COL25A1: variants seen among roughly 807,000 people sequenced by gnomAD.
COL25A1 encodes the protein collagen type XXV alpha 1 chain.
Under a neutral mutation model 128.4 loss-of-function variants are expected in COL25A1, and 103 were observed. That is an observed-to-expected ratio of 0.80 (90% CI 0.68 to 0.94). The LOEUF is 0.94. Ranked by LOEUF, COL25A1 falls within the 40% of genes least tolerant of loss-of-function variation. COL25A1 has a pLI of 0.00. For missense variants in COL25A1, 745 were observed against 840.0 expected, an observed-to-expected ratio of 0.89 and a Z score of 1.40; for synonymous variants, 279 against 277.2, an observed-to-expected ratio of 1.01 and a Z score of -0.06.
intron 3 of COL25A1, among the ~76,000 whole-genome samples, chr4:109,058,839 T>C (rs535285081): frequency 3.3e-5 from 5 of 152,206 alleles, no homozygotes; most frequent in Admixed American, 6.5e-5. Context: ...CACCCAGTAG[T>C]AAAAATACTC....
At chr4:109,091,470 T>C (rs1764900687) in intron 3 of COL25A1, among the ~76,000 whole-genome samples, 1 of 152,202 alleles carries the variant, frequency 6.6e-6, no homozygotes. Context: ...TTCTGAGATG[T>C]CCTATGTTGT....
At position 108,884,166 on chromosome 4, in the gene COL25A1, T is replaced by C. The variant is rs925222659; in HGVS notation, c.1020+12A>G. 3 of 1,613,416 alleles carry C rather than the reference T, an allele frequency of 1.9e-6. No homozygotes were observed. Among genetic ancestry groups the C allele is most frequent in the Non-Finnish European group, 2.5e-6 (3 of 1,179,578 alleles). On this transcript the variant is annotated intron_variant, in intron 19 of 37. Coordinates refer to ENST00000399132, the MANE Select transcript of COL25A1 (RefSeq NM_198721.4). ...AGTTCTGTGAAGCCGAGACTGTCCG[T>C]GCAGTATTTACCTTTATCCCCGGAA... is the stretch of plus-strand genomic sequence containing the variant.
At chr4:109,278,142 A>C (rs1047864479) in intron 3 of COL25A1, among the ~76,000 whole-genome samples, 8 of 152,140 alleles carry the variant, frequency 5.3e-5, no homozygotes, top group Admixed American at 6.6e-5. Context: ...CTCAAAAAAA[A>C]AAAAGAAGTG....
intron 13 of COL25A1, among the ~76,000 whole-genome samples, chr4:108,902,506 T>C (rs142715816): frequency 2.6e-5 from 4 of 152,120 alleles, no homozygotes; most frequent in African/African-American, 9.6e-5. Context: ...TCTATCTTAA[T>C]TATTATTTGG....
chr4:109,295,058 A>T (rs1724841025), intron 3 of COL25A1, among the ~76,000 whole-genome samples: 1 of 152,144 alleles, frequency 6.6e-6, no homozygotes, highest in Admixed American at 6.6e-5. Flanking sequence ...TCTTATGTCT[A>T]CATATAATTT....
rs1731538466 is a variant in COL25A1, at chr4:108,819,263, G to A, written c.1912C>T (p.Pro638Ser). 1 of 1,609,034 alleles carries A rather than the reference G, an allele frequency of 6.2e-7. No homozygotes were observed. Among genetic ancestry groups the A allele is most frequent in the African/African-American group, 1.3e-5 (1 of 74,516 alleles). ...GQPGLDGLDA[P>S]CQLGPDGLPM... is the part of the protein sequence containing the mutation. ...GAGAAATACTGTACCAATTGGCAAG[G>A]GGCATCCAGCCCATCCAGGCCAGGC... The change falls in exon 36 of 38, where the codon CCT becomes TCT. Residue 638 changes from proline to serine, a missense_variant. By Grantham distance (74) the Pro-to-Ser change is moderately conservative (BLOSUM62 -1). Around this residue, in one of 3 missense-constraint regions of COL25A1, gnomAD observed 387 missense variants for 441.9 expected, o/e 0.88. Coordinates refer to ENST00000399132, the MANE Select transcript of COL25A1 (RefSeq NM_198721.4).
At chr4:108,930,181 G>A (rs562738358) in intron 11 of COL25A1, among the ~76,000 whole-genome samples, 2 of 152,130 alleles carry the variant, frequency 1.3e-5, no homozygotes, top group East Asian at 3.9e-4. Context: ...CTTTTTTAAG[G>A]TTCCACTCAG....
intron 3 of COL25A1, among the ~76,000 whole-genome samples, chr4:109,273,133 C>T (rs765669028): frequency 2.0e-4 from 31 of 152,086 alleles, no homozygotes; most frequent in Admixed American, 2.0e-4. Context: ...AGGTCCGATG[C>T]CACAAATAGT....
intron 3 of COL25A1, among the ~76,000 whole-genome samples, chr4:109,144,230 A>G (rs931177197): frequency 3.9e-5 from 6 of 152,212 alleles, no homozygotes; most frequent in African/African-American, 1.4e-4. Flanking sequence ...CGGAGGCTGC[A>G]GAACAGCAAA....
At chr4:109,300,488 T>G (rs953599747) in intron 3 of COL25A1, 95 bp downstream of exon 3, 13 of 811,228 alleles carry the variant, frequency 1.6e-5, no homozygotes, top group East Asian at 1.0e-4. Flanking sequence ...GCATTCTTTC[T>G]TTACTATTAT....
intron 3 of COL25A1, among the ~76,000 whole-genome samples, chr4:109,276,359 C>A (rs1329114844): frequency 1.3e-5 from 2 of 151,032 alleles, no homozygotes; most frequent in Non-Finnish European, 2.9e-5. Flanking sequence ...TTGCAGTGAG[C>A]CGAGATCGCG....
At chr4:109,218,363 T>TTTG (rs1778182233) in intron 3 of COL25A1, among the ~76,000 whole-genome samples, 1 of 135,760 alleles carries the variant, frequency 7.4e-6, no homozygotes, top group African/African-American at 2.9e-5. Flanking sequence ...TGGGGTTTTT[T>TTTG]TTTTTTTTTT....
intron 13 of COL25A1, among the ~76,000 whole-genome samples, chr4:108,909,490 A>C (rs1743952555): frequency 6.6e-6 from 1 of 152,228 alleles, no homozygotes; most frequent in African/African-American, 2.4e-5. Flanking sequence ...AAAAATGATA[A>C]ATAAGAAAAC....
chr4:109,220,162 T>C (rs1778312167), intron 3 of COL25A1, among the ~76,000 whole-genome samples: 1 of 152,300 alleles, frequency 6.6e-6, no homozygotes, highest in South Asian at 2.1e-4. Flanking sequence ...AAACACACTA[T>C]GAGAAAATCT....
intron 3 of COL25A1, among the ~76,000 whole-genome samples, chr4:109,055,191 G>A (rs900805529): frequency 6.6e-5 from 10 of 152,114 alleles, no homozygotes. Flanking sequence ...AAATGGCAAT[G>A]CCTGGTAGAA....
chr4:108,884,209 A>C lies in COL25A1; in HGVS notation c.989T>G (p.Leu330Arg). 1 of 1,613,596 alleles carries C rather than the reference A, an allele frequency of 6.2e-7. No individual in the cohort carries two copies. Among genetic ancestry groups the C allele is most frequent in the Non-Finnish European group, 8.5e-7 (1 of 1,179,750 alleles). The change falls in exon 19 of 38, where the codon CTT becomes CGT. Residue 330 changes from leucine to arginine, a missense_variant. Leu to Arg is a moderately radical substitution (Grantham distance 102, BLOSUM62 -2). Around this residue, in one of 3 missense-constraint regions of COL25A1, gnomAD observed 387 missense variants for 441.9 expected, o/e 0.88. Coordinates refer to ENST00000399132, the MANE Select transcript of COL25A1 (RefSeq NM_198721.4). ...CCCCGGAAGTCCAGGAAGCCCAGGA[A>C]GCCCTGGTTCACCCTACACAGGAAA... ...GRPGQKGEPG[L>R]PGLPGLPGIK...
At chr4:108,988,313 C>T (rs551527275) in intron 6 of COL25A1, among the ~76,000 whole-genome samples, 1 of 152,250 alleles carries the variant, frequency 6.6e-6, no homozygotes, top group Non-Finnish European at 1.5e-5. Context: ...AGGCCTTTAA[C>T]AATACATCGG....
At chr4:109,278,077 G>A (rs1723019261) in intron 3 of COL25A1, among the ~76,000 whole-genome samples, 1 of 151,564 alleles carries the variant, frequency 6.6e-6, no homozygotes, top group Non-Finnish European at 1.5e-5. Flanking sequence ...GGAGGTTGCA[G>A]CGAGCCGAGA....
intron 8 of COL25A1, among the ~76,000 whole-genome samples, chr4:108,960,493 T>C (rs1412101087): frequency 1.3e-5 from 2 of 152,104 alleles, no homozygotes; most frequent in Non-Finnish European, 2.9e-5. Flanking sequence ...TTCAATGCTA[T>C]GTTCTCAAAG....
Sources: gnomAD v4.1 joint callset for allele counts (sites outside exome capture counted in the v4.1 genomes callset) on GRCh38, gnomAD v4.1.1 for gene constraint, gnomAD v4.1.1 regional missense constraint, MANE v1.5 for transcripts, NCBI Gene and HGNC (gene_info 2026-07-23, HGNC 2026-07-21) for gene names.